Variants in SLCO3A1 observed in about 807,000 individuals in gnomAD.
SLCO3A1 encodes the protein PGE1 transporter.
A neutral mutation model predicts 63.1 loss-of-function variants in SLCO3A1; 27 were observed. That is an observed-to-expected ratio of 0.43 (90% CI 0.32 to 0.59). The LOEUF (loss-of-function observed/expected upper bound fraction) is 0.59. Ranked by LOEUF, SLCO3A1 falls within the 20% of genes least tolerant of loss-of-function variation. SLCO3A1 has a pLI of 0.09. For missense variants in SLCO3A1, 773 were observed against 945.8 expected (o/e 0.82, Z 2.40); for synonymous variants, 473 against 409.9 (o/e 1.15, Z -1.86).
chr15:92,058,703 G>T (rs1177048075), intron 2 of SLCO3A1, among the ~76,000 whole-genome samples: 1 of 152,148 alleles, frequency 6.6e-6, no homozygotes, highest in East Asian at 1.9e-4. Flanking sequence ...GTGGCTCAAA[G>T]CAACCCAAAT....
chr15:91,971,394 C>CAAAAAAAAAAA lies in SLCO3A1; in HGVS notation c.646+54942_646+54952dup, dbSNP rs796386299. Among the ~76,000 whole-genome samples, 237 of 39,316 alleles carry CAAAAAAAAAAA rather than the reference C, an allele frequency of 6.0e-3. 28 individuals carry two copies. Among genetic ancestry groups the CAAAAAAAAAAA allele is most frequent in the African/African-American group, 0.014 (168 of 11,772 alleles). The allele number at this position is 39,316 out of a possible 152,430, so 25.8% of individuals were successfully genotyped here. A position where few individuals can be genotyped will look rare whatever the true frequency, so the allele number is the denominator to read the frequency against. ...TGGGTGACAGAGCGAGACTCCATCTCAAAAAAAAAAAAAAAAGCAACCTCT... is the reference window on the plus strand; with the variant it reads ...TGGGTGACAGAGCGAGACTCCATCTCAAAAAAAAAAAAAAAAAAAAAAAAAAAGCAACCTCT... On this transcript the variant is annotated intron_variant, in intron 2 of 9. Coordinates refer to ENST00000318445, the MANE Select transcript of SLCO3A1 (RefSeq NM_013272.4).
intron 2 of SLCO3A1, among the ~76,000 whole-genome samples, chr15:91,922,190 G>T (rs1208270324): frequency 1.6e-5 from 1 of 63,484 alleles, no homozygotes; most frequent in South Asian, 7.2e-4. Context: ...ACACACGCGC[G>T]TGCACGCACA....
At chr15:91,990,652 A>AG (rs979399441) in intron 2 of SLCO3A1, among the ~76,000 whole-genome samples, 9 of 118,006 alleles carry the variant, frequency 7.6e-5, no homozygotes, top group Non-Finnish European at 1.4e-4. Context: ...AGCCTCAAGA[A>AG]AAAAAAAAAA....
At chr15:92,017,960 G>A (rs183542382) in intron 2 of SLCO3A1, among the ~76,000 whole-genome samples, 5 of 152,268 alleles carry the variant, frequency 3.3e-5, no homozygotes, top group African/African-American at 7.2e-5. Context: ...TGGAGAGGTC[G>A]GAGGGAAACT....
At chr15:92,050,891 A>G (rs867040119) in intron 2 of SLCO3A1, among the ~76,000 whole-genome samples, 4 of 152,012 alleles carry the variant, frequency 2.6e-5, no homozygotes, top group African/African-American at 9.7e-5. Flanking sequence ...ACATCCATCA[A>G]ACTCACTCCC....
intron 2 of SLCO3A1, among the ~76,000 whole-genome samples, chr15:92,028,217 G>A (rs1401941071): frequency 3.9e-5 from 6 of 152,084 alleles, no homozygotes; most frequent in African/African-American, 1.4e-4. Context: ...CAGAATGGCT[G>A]GGGGCCTCCT....
intron 2 of SLCO3A1, among the ~76,000 whole-genome samples, chr15:92,080,269 AC>A (rs1396699940): frequency 6.6e-6 from 1 of 152,156 alleles, no homozygotes; most frequent in African/African-American, 2.4e-5. Context: ...AGTTCAACAC[AC>A]ACGGAGTCCC....
intron 2 of SLCO3A1, among the ~76,000 whole-genome samples, chr15:92,059,901 A>G (rs970572257): frequency 3.3e-5 from 5 of 152,154 alleles, no homozygotes; most frequent in African/African-American, 1.2e-4. Context: ...CACAGGGTGT[A>G]CTCACACAAA....
At chr15:92,126,659 T>A (rs1368672983) in intron 6 of SLCO3A1, among the ~76,000 whole-genome samples, 1 of 152,140 alleles carries the variant, frequency 6.6e-6, no homozygotes, top group Non-Finnish European at 1.5e-5. Context: ...CACATGGCAA[T>A]TACAGGATCT....
rs1190035616 is a variant in SLCO3A1, at chr15:92,126,118, A to G, written c.1232A>G (p.Lys411Arg). Residue 411 changes from lysine to arginine, a missense_variant, in exon 6 of 10, where the codon AAG becomes AGG. By Grantham distance (26) the Lys-to-Arg change is conservative (BLOSUM62 2). This residue lies in a region of SLCO3A1 where 565 missense variants were observed against 749.8 expected (regional missense o/e 0.75). Coordinates refer to ENST00000318445, the MANE Select transcript of SLCO3A1 (RefSeq NM_013272.4). ...LGIFLGGLLV[K>R]KLSLSALGAI... Reference sequence around the variant, plus strand: ...ATCTTCCTGGGAGGTCTTTTGGTGAAGAAGCTCAGCCTGTCTGCCCTGGGG... The same window carrying G: ...ATCTTCCTGGGAGGTCTTTTGGTGAGGAAGCTCAGCCTGTCTGCCCTGGGG... 2 of 1,613,402 alleles carry G rather than the reference A, an allele frequency of 1.2e-6. No individual in the cohort carries two copies. The highest frequency in any genetic ancestry group is 1.6e-4 in the Middle Eastern group (1 of 6,084).
At chr15:91,994,984 G>T (rs145280183) in intron 2 of SLCO3A1, among the ~76,000 whole-genome samples, 1 of 152,138 alleles carries the variant, frequency 6.6e-6, no homozygotes, top group African/African-American at 2.4e-5. Flanking sequence ...TCATTCCCAC[G>T]TAGGAAAAAT....
In SLCO3A1 at chr15:91,941,781, G is replaced by A. The variant is rs11635541; in HGVS notation, c.646+25323G>A. Among the ~76,000 whole-genome samples the A allele has an allele frequency of 0.068, 10,379 of 152,146 alleles. 465 individuals are homozygous for A. The highest frequency in any genetic ancestry group is 0.14 in the Middle Eastern group (40 of 294). On this transcript the variant is annotated intron_variant, in intron 2 of 9. Transcript: ENST00000318445. The surrounding 1 kb of genome is among the most constrained non-coding windows in gnomAD (Gnocchi z 4.4). ...TCTGTGTGCAACTTCATCTGAGAGCGCTCAGGCTTCCCTCTCTCCTCTGCC... is the reference window on the plus strand; with the variant it reads ...TCTGTGTGCAACTTCATCTGAGAGCACTCAGGCTTCCCTCTCTCCTCTGCC...
intron 7 of SLCO3A1, among the ~76,000 whole-genome samples, chr15:92,145,834 T>G (rs2048214541): frequency 6.6e-6 from 1 of 152,172 alleles, no homozygotes; most frequent in Non-Finnish European, 1.5e-5. Context: ...CCCCCATTCC[T>G]TCCCCCATGA....
intron 1 of SLCO3A1, among the ~76,000 whole-genome samples, chr15:91,879,831 T>G (rs1424110706): frequency 6.6e-6 from 1 of 152,208 alleles, no homozygotes; most frequent in Non-Finnish European, 1.5e-5. Flanking sequence ...AATTCTGACA[T>G]GCAACCAAGC....
At chr15:92,001,891 A>G (rs1251208426) in intron 2 of SLCO3A1, among the ~76,000 whole-genome samples, 1 of 130,738 alleles carries the variant, frequency 7.6e-6, no homozygotes, top group East Asian at 2.3e-4. Context: ...GCTGGAGTGC[A>G]GTGGCGTGAT....
chr15:92,145,707 C>T lies in SLCO3A1; in HGVS notation c.1513-1277C>T, dbSNP rs149231269. 6.2e-4 allele frequency among the ~76,000 whole-genome samples: 95 copies of T among 152,232 alleles called. 2 individuals carry two copies. The East Asian group carries it at 0.017, about 27-fold the overall frequency. On this transcript the variant is annotated intron_variant, in intron 7 of 9. Transcript: ENST00000318445. ...GAGAAGGAACAGAGGGGCGGGGCCTCGGGATCTTCTGGGAATTACAATAAA... is the reference window on the plus strand; with the variant it reads ...GAGAAGGAACAGAGGGGCGGGGCCTTGGGATCTTCTGGGAATTACAATAAA...
intron 1 of SLCO3A1, among the ~76,000 whole-genome samples, chr15:91,903,237 G>T (rs1219216707): frequency 1.3e-5 from 2 of 152,206 alleles, no homozygotes; most frequent in East Asian, 3.9e-4. Context: ...GGGACCTGAG[G>T]AACAGATGGC....
intron 2 of SLCO3A1, among the ~76,000 whole-genome samples, chr15:92,043,034 C>A (rs372643139): frequency 9.9e-5 from 15 of 152,218 alleles, no homozygotes; most frequent in East Asian, 5.8e-4. Context: ...TTTTTGGTGA[C>A]CTACCTTTGT....
chr15:91,973,997 G>A (rs1900988688), intron 2 of SLCO3A1, among the ~76,000 whole-genome samples: 1 of 152,086 alleles, frequency 6.6e-6, no homozygotes, highest in African/African-American at 2.4e-5. Flanking sequence ...TGACCTGTCT[G>A]TGAGCCAGGC....
Sources: gnomAD v4.1 joint callset for allele counts (sites outside exome capture counted in the v4.1 genomes callset) on GRCh38, gnomAD v4.1.1 for gene constraint, gnomAD v4.1.1 regional missense constraint, Gnocchi (gnomAD v3.1) non-coding constraint, MANE v1.5 for transcripts, NCBI Gene and HGNC (gene_info 2026-07-23, HGNC 2026-07-21) for gene names.